VAV1: variants seen among roughly 807,000 people sequenced by gnomAD.
The protein encoded by VAV1 is vav guanine nucleotide exchange factor 1, also known as proto-oncogene vav.
A neutral mutation model predicts 128.1 loss-of-function variants in VAV1; 33 were observed. That is an observed-to-expected ratio of 0.26 (90% confidence interval 0.20 to 0.34). The LOEUF (loss-of-function observed/expected upper bound fraction) is 0.34, where lower values mean the gene tolerates loss of function less well. Among genes scored for constraint, VAV1 ranks in the 10% least tolerant of loss-of-function variants. VAV1 has a pLI of 1.00. For synonymous variants in VAV1, 394 were observed against 409.8 expected, an observed-to-expected ratio of 0.96 and a Z score of 0.47; for missense variants, 715 against 1,093.7, an observed-to-expected ratio of 0.65 and a Z score of 4.88.
chr19:6,789,547 G>A (rs116673228), intron 1 of VAV1, among the ~76,000 whole-genome samples: 96 of 150,310 alleles, frequency 6.4e-4, no homozygotes, highest in African/African-American at 2.3e-3. Flanking sequence ...CACCGCACCC[G>A]GCTCTTTCCT....
chr19:6,844,020 C>G (rs538942107), intron 22 of VAV1, among the ~76,000 whole-genome samples: 48 of 91,654 alleles, frequency 5.2e-4, no homozygotes, highest in African/African-American at 1.6e-3. Flanking sequence ...AGATTTGATT[C>G]TTACTCTCTG....
Position 6,828,548 on chromosome 19 carries a change from A to T in VAV1, c.1092+61A>T. The T allele has an allele frequency of 1.2e-6, 2 of 1,613,694 alleles. No homozygotes were observed. Among genetic ancestry groups the T allele is most frequent in the Admixed American group, 1.7e-5 (1 of 60,000 alleles). ...GCAGACACCCTCCTGGTAGGGGCTG[A>T]TCCTCTAGCCGGGATTAGGTAGGAG... On this transcript the variant is annotated intron_variant, in intron 11 of 26. Transcript: ENST00000602142. The surrounding 1 kb of genome is among the most constrained non-coding windows in gnomAD (Gnocchi z 4.5).
At chr19:6,830,434 TTTTG>T (rs144604064) in intron 14 of VAV1, among the ~76,000 whole-genome samples, 1 of 151,880 alleles carries the variant, frequency 6.6e-6, no homozygotes, top group Non-Finnish European at 1.5e-5. Context: ...AGAATTTTCA[TTTTG>T]TTTGTTTGTT....
intron 1 of VAV1, among the ~76,000 whole-genome samples, chr19:6,817,793 C>T (rs1397316228): frequency 2.0e-5 from 3 of 151,912 alleles, no homozygotes; most frequent in Non-Finnish European, 4.4e-5. Context: ...CTCCAACAAT[C>T]CTCCTCTCTC....
chr19:6,855,811 A>G (rs1252252264), intron 26 of VAV1, among the ~76,000 whole-genome samples: 1 of 42,358 alleles, frequency 2.4e-5, no homozygotes, highest in Non-Finnish European at 5.8e-5. Context: ...TCATCTATCT[A>G]TCTATCTATC....
At chr19:6,786,801 A>T (rs1352276923) in intron 1 of VAV1, among the ~76,000 whole-genome samples, 1 of 151,980 alleles carries the variant, frequency 6.6e-6, no homozygotes, top group Non-Finnish European at 1.5e-5. Flanking sequence ...AACAAAACAA[A>T]ATAAAAATTA....
intron 1 of VAV1, among the ~76,000 whole-genome samples, chr19:6,776,447 CCCACCCAT>C (rs1970641921): frequency 8.3e-6 from 1 of 120,278 alleles, no homozygotes; most frequent in Non-Finnish European, 1.7e-5. Context: ...CATCCATCCA[CCCACCCAT>C]CCACCCACCC....
chr19:6,828,914 A>G lies in VAV1; in HGVS notation c.1265+14A>G. The G allele has an allele frequency of 6.2e-7, 1 of 1,613,800 alleles. No homozygotes were observed. Among genetic ancestry groups the G allele is most frequent in the Non-Finnish European group, 8.5e-7 (1 of 1,179,938 alleles). ...CAAGATGGACAGGTGGGTGGAGTCA[A>G]CATGGATCTGGGATGGAGCCTGGGC... On this transcript the variant is annotated intron_variant, in intron 13 of 26. Transcript: ENST00000602142. The surrounding 1 kb of genome is among the most constrained non-coding windows in gnomAD (Gnocchi z 4.5).
chr19:6,820,570 A>G lies in VAV1; in HGVS notation c.205-132A>G. ...ACAACTTAATCTTTACCAGAAGATA[A>G]TTCAATTTCATGGAAGAGGGTCTGT... On this transcript the variant is annotated intron_variant, in intron 1 of 26. Transcript: ENST00000602142. This position sits in a 1 kb window ranked among gnomAD's most constrained non-coding sequence, Gnocchi z 4.4. 2.9e-6 allele frequency: 2 copies of G among 688,270 alleles called. No individual in the cohort carries two copies. The highest frequency in any genetic ancestry group is 1.7e-5 in the South Asian group (1 of 58,424). The allele number at this position is 688,270 out of a possible 1,614,324, so 42.6% of individuals were successfully genotyped here.
At chr19:6,856,680 C>A (rs1314278275) in intron 26 of VAV1, among the ~76,000 whole-genome samples, 6 of 147,518 alleles carry the variant, frequency 4.1e-5, no homozygotes, top group Admixed American at 1.4e-4. Flanking sequence ...GCTGAGATTG[C>A]GCCATTGCAC....
Position 6,832,134 on chromosome 19 carries a change from G to A in VAV1, c.1442G>A (p.Gly481Asp). The part of the protein sequence containing the change: ...FLLIEDQGAQ[G>D]YELFFKTREL... The stretch of plus-strand genomic sequence containing the variant: ...CTGATCGAGGACCAAGGTGCCCAGG[G>A]CTATGAGCTGTTCTTCAAGACAAGA... The change falls in exon 15 of 27, where the codon GGC (glycine) becomes GAC (aspartate). Residue 481 changes from glycine (G) to aspartate (D), a missense_variant. By Grantham distance (94) the Gly-to-Asp change is moderately conservative (BLOSUM62 -1). Coordinates refer to ENST00000602142, the MANE Select transcript of VAV1 (RefSeq NM_005428.4). 2 of 1,614,146 alleles carry A rather than the reference G, an allele frequency of 1.2e-6. No individual in the cohort carries two copies. Among genetic ancestry groups the A allele is most frequent in the Non-Finnish European group, 1.7e-6 (2 of 1,180,020 alleles).
chr19:6,851,440 C>T (rs772403542), intron 24 of VAV1, among the ~76,000 whole-genome samples: 43 of 152,194 alleles, frequency 2.8e-4, no homozygotes, highest in Admixed American at 2.0e-4. Context: ...TCTTGGCCTC[C>T]CAAAGTGTTG....
At chr19:6,853,268 A>G (rs139447179) in intron 25 of VAV1, among the ~76,000 whole-genome samples, 189 bp downstream of exon 25, 1 of 150,818 alleles carries the variant, frequency 6.6e-6, no homozygotes, top group East Asian at 1.9e-4. Flanking sequence ...TTAATTAATT[A>G]ATTTATTTAT....
At chr19:6,854,434 C>T (rs113026389) in intron 26 of VAV1, among the ~76,000 whole-genome samples, 2 of 152,020 alleles carry the variant, frequency 1.3e-5, no homozygotes, top group African/African-American at 4.8e-5. Context: ...ACAAGGGTGC[C>T]AGTCACGGTG....
At chr19:6,795,214 G>T (rs1191224948) in intron 1 of VAV1, among the ~76,000 whole-genome samples, 1 of 152,084 alleles carries the variant, frequency 6.6e-6, no homozygotes, top group African/African-American at 2.4e-5. Flanking sequence ...CCAATTGGCT[G>T]AACCTATCTA....
intron 23 of VAV1, 48 bp downstream of exon 23, chr19:6,848,162 C>A (rs201498576): frequency 5.4e-6 from 8 of 1,487,632 alleles, no homozygotes; most frequent in South Asian, 2.7e-5. Flanking sequence ...CTGGGCCCTG[C>A]GGGCCTGGGA....
chr19:6,847,201 A>C (rs993528635), intron 22 of VAV1, among the ~76,000 whole-genome samples: 1 of 152,052 alleles, frequency 6.6e-6, no homozygotes, highest in African/African-American at 2.4e-5. Flanking sequence ...CGTGAGCCAC[A>C]GCGCCCAGCC....
In VAV1 at chr19:6,833,300, G is replaced by A. The variant is rs748677954; in HGVS notation, c.1610+15G>A. On this transcript the variant is annotated intron_variant, in intron 16 of 26. Transcript: ENST00000602142. ...ATGCTGCTTAGGTGAGAATCTGGGA[G>A]GAGGGTCCTGCATACCGGACTTGGT... 1 of 1,602,970 alleles carries A rather than the reference G, an allele frequency of 6.2e-7. No individual in the cohort carries two copies. Among genetic ancestry groups the A allele is most frequent in the South Asian group, 1.1e-5 (1 of 88,564 alleles).
intron 1 of VAV1, among the ~76,000 whole-genome samples, chr19:6,792,481 T>C (rs1015407410): frequency 1.3e-5 from 2 of 152,086 alleles, no homozygotes; most frequent in African/African-American, 4.8e-5. Flanking sequence ...GTAGGAAGAC[T>C]AGGGGAGGAA....
Sources: allele counts gnomAD v4.1 joint callset (sites outside exome capture counted in the v4.1 genomes callset), GRCh38; gene constraint gnomAD v4.1.1; non-coding constraint Gnocchi (gnomAD v3.1); transcripts MANE v1.5; gene names NCBI Gene and HGNC (gene_info 2026-07-23, HGNC 2026-07-21).